NSMCE2: variants seen among roughly 807,000 people sequenced by gnomAD.
NSMCE2 encodes the protein NSE2 SUMO ligase component of SMC5/6 complex, also known as E3 SUMO-protein ligase NSE2.
Under a neutral mutation model 23.8 loss-of-function variants are expected in NSMCE2, and 24 were observed. The ratio of observed to expected loss-of-function variants is 1.01; its 90% CI spans 0.73 to 1.42. NSMCE2 has a LOEUF of 1.42. Ranked by LOEUF, NSMCE2 falls within the 40% of genes most tolerant of loss-of-function variation. The pLI, the probability that NSMCE2 is intolerant of heterozygous loss-of-function variation, is 0.00. For synonymous variants in NSMCE2, 92 were observed against 94.1 expected (o/e 0.98, Z 0.13); for missense variants, 284 against 296.5 (o/e 0.96, Z 0.31).
At chr8:125,162,313 G>T (rs1417871964) in intron 4 of NSMCE2, among the ~76,000 whole-genome samples, 1 of 152,168 alleles carries the variant, frequency 6.6e-6, no homozygotes, top group Non-Finnish European at 1.5e-5. Flanking sequence ...ACTGCTTAAA[G>T]CACCTATAAA....
chr8:125,101,241 A>T (rs192541334), intron 1 of NSMCE2, among the ~76,000 whole-genome samples: 41 of 152,318 alleles, frequency 2.7e-4, no homozygotes, highest in Middle Eastern at 3.4e-3. Context: ...AAAAAGGACT[A>T]ATAATGGAGA....
At chr8:125,109,122 A>G (rs1586439064) in intron 3 of NSMCE2, among the ~76,000 whole-genome samples, 1 of 152,214 alleles carries the variant, frequency 6.6e-6, no homozygotes, top group Admixed American at 6.5e-5. Flanking sequence ...TTTGTGTGCT[A>G]TGTATCTTAT....
chr8:125,104,689 G>A (rs1227449099), intron 3 of NSMCE2, among the ~76,000 whole-genome samples: 1 of 152,124 alleles, frequency 6.6e-6, no homozygotes, highest in Non-Finnish European at 1.5e-5. Context: ...TGCAAACCCT[G>A]CTGGCTGCCT....
rs182659258 is a variant in NSMCE2 at position 125,120,270 on chromosome 8, T to C, written c.157+17783T>C. Among the ~76,000 whole-genome samples, 247 of 152,286 alleles carry C rather than the reference T, an allele frequency of 1.6e-3. 1 individual carries two copies. Among genetic ancestry groups the C allele is most frequent in the African/African-American group, 5.7e-3 (239 of 41,566 alleles). ...TGTGTCAGAGAAGGGCAAGAAAGCA[T>C]AAGGATATTTAAATCAATCATCATG... is the stretch of plus-strand genomic sequence containing the variant. On this transcript the variant is annotated intron_variant, in intron 3 of 7. Transcript: ENST00000287437.
chr8:125,098,802 G>A (rs145893468), intron 1 of NSMCE2, among the ~76,000 whole-genome samples: 6 of 151,218 alleles, frequency 4.0e-5, no homozygotes, highest in African/African-American at 9.7e-5. Flanking sequence ...TGGGGGAGGG[G>A]TAGGGTGGGA....
chr8:125,353,361 C>T (rs1813117941), intron 5 of NSMCE2, among the ~76,000 whole-genome samples: 1 of 152,148 alleles, frequency 6.6e-6, no homozygotes, highest in African/African-American at 2.4e-5. Context: ...AAGGGAAAGA[C>T]GGCTCCTAGC....
intron 3 of NSMCE2, among the ~76,000 whole-genome samples, chr8:125,122,522 G>A (rs1258569267): frequency 6.6e-6 from 1 of 152,098 alleles, no homozygotes; most frequent in Non-Finnish European, 1.5e-5. Flanking sequence ...TGCTCTTTAA[G>A]CCTCTTTTCT....
At chr8:125,235,723 C>T (rs376876097) in intron 5 of NSMCE2, among the ~76,000 whole-genome samples, 2 of 152,154 alleles carry the variant, frequency 1.3e-5, no homozygotes, top group Non-Finnish European at 2.9e-5. Context: ...TTGTTTTATT[C>T]ATACACATCT....
chr8:125,193,845 G>A (rs941918186), intron 5 of NSMCE2, among the ~76,000 whole-genome samples: 1 of 152,190 alleles, frequency 6.6e-6, no homozygotes, highest in African/African-American at 2.4e-5. Context: ...CTGGTGGACA[G>A]TGAGAAGCAG....
chr8:125,262,253 G>A (rs910707023), intron 5 of NSMCE2, among the ~76,000 whole-genome samples: 13 of 151,964 alleles, frequency 8.6e-5, no homozygotes, highest in African/African-American at 2.2e-4. Context: ...GTGAAACCCC[G>A]TCTCTACTAA....
chr8:125,276,826 G>A lies in NSMCE2; in HGVS notation c.419-80393G>A, dbSNP rs144499235. On this transcript the variant is annotated intron_variant, in intron 5 of 7. Transcript: ENST00000287437. ...CTGCTAGTAAGTGGAAGAGCTTCCTGTTTTTCACTGACCTGCCAAATGCCA... is the reference window on the plus strand; with the variant it reads ...CTGCTAGTAAGTGGAAGAGCTTCCTATTTTTCACTGACCTGCCAAATGCCA... Among the ~76,000 whole-genome samples, 347 of 152,324 alleles carry A rather than the reference G, an allele frequency of 2.3e-3. 3 individuals carry two copies. The highest frequency in any genetic ancestry group is 0.02 in the Admixed American group (307 of 15,302).
intron 5 of NSMCE2, among the ~76,000 whole-genome samples, chr8:125,247,549 A>AC (rs1204653642): frequency 3.3e-5 from 5 of 152,116 alleles, no homozygotes; most frequent in Admixed American, 2.6e-4. Context: ...ACACGGTGAA[A>AC]CCCCGTCTCC....
intron 4 of NSMCE2, among the ~76,000 whole-genome samples, chr8:125,171,190 A>G (rs1360065279): frequency 2.6e-5 from 4 of 152,102 alleles, no homozygotes; most frequent in Admixed American, 2.0e-4. Context: ...ATTGTTCTCC[A>G]TGGCACTTAT....
chr8:125,204,084 G>T (rs946576085), intron 5 of NSMCE2, among the ~76,000 whole-genome samples: 4 of 152,140 alleles, frequency 2.6e-5, no homozygotes, highest in African/African-American at 9.7e-5. Flanking sequence ...CCAGTGCTTA[G>T]TATATATTTG....
chr8:125,333,676 G>A (rs1040889883), intron 5 of NSMCE2, among the ~76,000 whole-genome samples: 43 of 151,320 alleles, frequency 2.8e-4, no homozygotes, highest in African/African-American at 9.0e-4. Context: ...CACTACGCCC[G>A]GCTATTTTTT....
chr8:125,350,637 C>T (rs1812993200), intron 5 of NSMCE2, among the ~76,000 whole-genome samples: 1 of 152,198 alleles, frequency 6.6e-6, no homozygotes, highest in African/African-American at 2.4e-5. Flanking sequence ...TGGATGCTGG[C>T]AGGCAAAGAG....
chr8:125,333,532 T>TTTTTTTTTTTTTTTTTG, intron 5 of NSMCE2, among the ~76,000 whole-genome samples: 1 of 126,962 alleles, frequency 7.9e-6, no homozygotes, highest in South Asian at 2.6e-4. Context: ...TTTTTTTTTT[T>TTTTTTTTTTTTTTTTTG]GAGACGGAGT....
intron 5 of NSMCE2, among the ~76,000 whole-genome samples, chr8:125,219,014 C>T (rs1824727663): frequency 6.6e-6 from 1 of 152,120 alleles, no homozygotes; most frequent in Non-Finnish European, 1.5e-5. Context: ...TTTTAGTCCC[C>T]TGTGGTTACA....
At chr8:125,317,340 G>T (rs1176511880) in intron 5 of NSMCE2, among the ~76,000 whole-genome samples, 1 of 151,454 alleles carries the variant, frequency 6.6e-6, no homozygotes, top group Non-Finnish European at 1.5e-5. Context: ...GGGACTACAG[G>T]CACATGCCAC....
Sources: allele counts gnomAD v4.1 joint callset (sites outside exome capture counted in the v4.1 genomes callset), GRCh38; gene constraint gnomAD v4.1.1; transcripts MANE v1.5; gene names NCBI Gene and HGNC (gene_info 2026-07-23, HGNC 2026-07-21).